The following CYP2C19 variants were observed in gnomAD, a reference collection of about 807,000 sequenced individuals.
CYP2C19 encodes cytochrome P450 2C19.
In CYP2C19, 59 loss-of-function variants were observed where a neutral mutation model predicts 40.9. The observed-to-expected ratio is 1.44, with a 90% CI of 1.17 to 1.79. The LOEUF is 1.79. CYP2C19 is among the 40% of genes most tolerant of loss of function. The pLI is 0.00. For missense variants in CYP2C19, 754 were observed against 596.9 expected (o/e 1.26, Z -2.74); for synonymous variants, 253 against 208.7 (o/e 1.21, Z -1.83).
intron 1 of CYP2C19, among the ~76,000 whole-genome samples, chr10:94,765,200 A>T (rs1042827022): frequency 6.6e-6 from 1 of 152,252 alleles, no homozygotes; most frequent in Middle Eastern, 3.4e-3. Context: ...TTCCTGTAGC[A>T]GTAGCCATTC....
At chr10:94,813,721 C>T (rs1033925371) in intron 5 of CYP2C19, among the ~76,000 whole-genome samples, 2 of 151,212 alleles carry the variant, frequency 1.3e-5, no homozygotes, top group African/African-American at 4.9e-5. Flanking sequence ...GCTTGCTGGG[C>T]TCCATGGGGG....
intron 6 of CYP2C19, among the ~76,000 whole-genome samples, chr10:94,839,992 T>C (rs1415293177): frequency 1.3e-5 from 2 of 151,788 alleles, no homozygotes; most frequent in African/African-American, 4.8e-5. Flanking sequence ...TTTTTTTTAT[T>C]TTTTTTTGAC....
rs74154115 is a variant in CYP2C19, at chr10:94,853,463, C to A, written c.*549C>A. Among the ~76,000 whole-genome samples the A allele has an allele frequency of 0.022, 3,300 of 151,704 alleles. 117 individuals are homozygous for A. The highest frequency in any genetic ancestry group is 0.074 in the African/African-American group (3,074 of 41,322). ...GGATTTGAAAGTGAGAAACTGTGTC[C>A]AGGAGCAGCTCCAACCTCTAGGGAA... is the stretch of plus-strand genomic sequence containing the variant. On this transcript the variant is annotated 3_prime_UTR_variant, in exon 9 of 9. Coordinates refer to ENST00000371321, the MANE Select transcript of CYP2C19 (RefSeq NM_000769.4).
intron 6 of CYP2C19, among the ~76,000 whole-genome samples, chr10:94,836,972 G>A (rs1339791516): frequency 6.6e-6 from 1 of 152,178 alleles, no homozygotes; most frequent in Non-Finnish European, 1.5e-5. Flanking sequence ...AACAGTCCAG[G>A]TGAGTTGAGA....
At chr10:94,844,199 A>G (rs936664267) in intron 7 of CYP2C19, among the ~76,000 whole-genome samples, 9 of 152,192 alleles carry the variant, frequency 5.9e-5, no homozygotes, top group African/African-American at 2.2e-4. Flanking sequence ...ACTTAGTTGT[A>G]TCTTTGAAAT....
chr10:94,787,869 CGAATTT>C (rs1848561467), intron 5 of CYP2C19, among the ~76,000 whole-genome samples: 1 of 151,922 alleles, frequency 6.6e-6, no homozygotes, highest in Non-Finnish European at 1.5e-5. Flanking sequence ...TGGTTTCAAA[CGAATTT>C]TAGAATAGTT....
At chr10:94,838,789 T>G (rs1400728425) in intron 6 of CYP2C19, among the ~76,000 whole-genome samples, 1 of 152,088 alleles carries the variant, frequency 6.6e-6, no homozygotes, top group African/African-American at 2.4e-5. Context: ...AAGTTGTACA[T>G]ATGGCACTTC....
intron 7 of CYP2C19, among the ~76,000 whole-genome samples, chr10:94,847,506 G>A (rs539290488): frequency 2.3e-4 from 35 of 152,088 alleles, no homozygotes; most frequent in African/African-American, 8.0e-4. Flanking sequence ...ATTCCAAGTC[G>A]TTGCTATTGT....
At chr10:94,833,154 T>C (rs1268685236) in intron 6 of CYP2C19, among the ~76,000 whole-genome samples, 2 of 152,234 alleles carry the variant, frequency 1.3e-5, no homozygotes, top group Non-Finnish European at 1.5e-5. Context: ...CTAATAATTA[T>C]CTTGTGGAAT....
intron 1 of CYP2C19, among the ~76,000 whole-genome samples, chr10:94,770,019 G>A (rs1387777117): frequency 6.6e-6 from 1 of 152,188 alleles, no homozygotes; most frequent in Non-Finnish European, 1.5e-5. Flanking sequence ...CCTGGTTACA[G>A]GCTGTCCCAG....
chr10:94,807,697 G>A (rs114139249), intron 5 of CYP2C19, among the ~76,000 whole-genome samples: 12 of 151,950 alleles, frequency 7.9e-5, no homozygotes, highest in Admixed American at 3.9e-4. Context: ...TTTGGGAGAC[G>A]CCTGTTCAGT....
At chr10:94,782,640 A>T (rs960561204) in intron 5 of CYP2C19, among the ~76,000 whole-genome samples, 1 of 152,156 alleles carries the variant, frequency 6.6e-6, no homozygotes, top group African/African-American at 2.4e-5. Context: ...AAATTATTCT[A>T]TTATAAAGAC....
chr10:94,774,713 T>G, intron 1 of CYP2C19: 1 of 228,900 alleles, frequency 4.4e-6, no homozygotes, highest in East Asian at 1.1e-4. Flanking sequence ...AGTTTCAAAT[T>G]TGGGTCTTCT....
At chr10:94,797,579 G>A (rs11528087) in intron 5 of CYP2C19, among the ~76,000 whole-genome samples, 1 of 151,956 alleles carries the variant, frequency 6.6e-6, no homozygotes, top group South Asian at 2.1e-4. Context: ...TCTCCTCTTG[G>A]TACCTCTGGT....
chr10:94,796,315 T>C (rs1396225031), intron 5 of CYP2C19, among the ~76,000 whole-genome samples: 1 of 152,122 alleles, frequency 6.6e-6, no homozygotes, highest in African/African-American at 2.4e-5. Context: ...TGTAGATGTG[T>C]GGTATTATTT....
At chr10:94,796,760 G>T (rs1848694463) in intron 5 of CYP2C19, among the ~76,000 whole-genome samples, 2 of 152,114 alleles carry the variant, frequency 1.3e-5, no homozygotes, top group African/African-American at 4.8e-5. Flanking sequence ...TGAAGCAGTT[G>T]TGAATGGGAG....
At chr10:94,790,959 T>C (rs1429874535) in intron 5 of CYP2C19, among the ~76,000 whole-genome samples, 1 of 152,166 alleles carries the variant, frequency 6.6e-6, no homozygotes, top group Non-Finnish European at 1.5e-5. Flanking sequence ...TTCCTCTTTG[T>C]ACCTCTGGTG....
chr10:94,846,381 G>A (rs542912365), intron 7 of CYP2C19, among the ~76,000 whole-genome samples: 2 of 152,284 alleles, frequency 1.3e-5, no homozygotes, highest in East Asian at 3.9e-4. Flanking sequence ...TGGTGAGGCA[G>A]AGGCACATAA....
intron 5 of CYP2C19, among the ~76,000 whole-genome samples, chr10:94,782,926 A>G (rs564130564): frequency 6.6e-6 from 1 of 152,112 alleles, no homozygotes; most frequent in Non-Finnish European, 1.5e-5. Flanking sequence ...ACATAGACAC[A>G]GGATGAGGAA....
Sources: gnomAD v4.1 joint callset for allele counts (sites outside exome capture counted in the v4.1 genomes callset) on GRCh38, gnomAD v4.1.1 for gene constraint, MANE v1.5 for transcripts, NCBI Gene and HGNC (gene_info 2026-07-23, HGNC 2026-07-21) for gene names.